The following TIMM23 variants were observed in gnomAD, a reference collection of about 807,000 sequenced individuals.
TIMM23 encodes the protein translocase of inner mitochondrial membrane 23.
TIMM23 carries 19 observed loss-of-function variants against 30.7 expected under a neutral mutation model. The observed-to-expected ratio is 0.62, with a 90% CI of 0.43 to 0.91. The LOEUF (loss-of-function observed/expected upper bound fraction) is 0.91. TIMM23 is among the 40% of genes least tolerant of loss of function. The pLI, the probability that TIMM23 is intolerant of heterozygous loss-of-function variation, is 0.00. For missense variants in TIMM23, 202 were observed against 269.2 expected, an observed-to-expected ratio of 0.75 and a Z score of 1.75; for synonymous variants, 78 against 98.5, an observed-to-expected ratio of 0.79 and a Z score of 1.23.
intron 6 of TIMM23, among the ~76,000 whole-genome samples, chr10:46,002,110 G>A (rs184321521): frequency 2.0e-5 from 3 of 152,196 alleles, no homozygotes; most frequent in African/African-American, 7.2e-5. Context: ...TTAATTGTGG[G>A]AGATTGATGC....
At position 45,989,937 on chromosome 10, in the gene TIMM23, G is replaced by A. The variant is rs1358324164; in HGVS notation, c.514+1090G>A. 1.1e-3 allele frequency among the ~76,000 whole-genome samples: 170 copies of A among 151,952 alleles called. 1 individual carries two copies. Among genetic ancestry groups the A allele is most frequent in the African/African-American group, 3.7e-3 (155 of 41,440 alleles). On this transcript the variant is annotated intron_variant, in intron 6 of 6. Coordinates refer to ENST00000580018, the MANE Select transcript of TIMM23 (RefSeq NM_006327.4). ...ATTTTTATCAAAATAATCCACATAC[G>A]TGATTTTTTAAGTCAAGGTTTTTAT...
chr10:45,994,109 G>A (rs1344239601), intron 6 of TIMM23, among the ~76,000 whole-genome samples: 1 of 152,152 alleles, frequency 6.6e-6, no homozygotes, highest in Non-Finnish European at 1.5e-5. Context: ...GGAGGCCGAG[G>A]CAGGTGGATC....
intron 6 of TIMM23, among the ~76,000 whole-genome samples, chr10:45,999,550 C>T (rs1300811724): frequency 6.6e-6 from 1 of 151,884 alleles, no homozygotes; most frequent in East Asian, 1.9e-4. Context: ...AGGGAGTGTG[C>T]GAATAGGTGT....
At chr10:45,999,672 GT>G (rs1838460086) in intron 6 of TIMM23, among the ~76,000 whole-genome samples, 1 of 152,154 alleles carries the variant, frequency 6.6e-6, no homozygotes, top group Non-Finnish European at 1.5e-5. Context: ...TGCTAATGAA[GT>G]TTCGGGCACC....
At chr10:45,976,135 G>A (rs61849464) in intron 2 of TIMM23, among the ~76,000 whole-genome samples, 1 of 152,082 alleles carries the variant, frequency 6.6e-6, no homozygotes, top group East Asian at 1.9e-4. Flanking sequence ...GATATATTAG[G>A]AAATATATCT....
chr10:46,003,361 C>G lies in TIMM23; in HGVS notation c.*43C>G. Reference sequence around the variant, plus strand: ...GAATGGAGGACACTTCAGTAGTCATCTAGATCCTTTTATAAGACAGTTTGG... The same window carrying G: ...GAATGGAGGACACTTCAGTAGTCATGTAGATCCTTTTATAAGACAGTTTGG... On this transcript the variant is annotated 3_prime_UTR_variant, in exon 7 of 7. Transcript: ENST00000580018. 7.5e-7 allele frequency: 1 copy of G among 1,335,926 alleles called. No individual in the cohort carries two copies. Among genetic ancestry groups the G allele is most frequent in the Non-Finnish European group, 1.1e-6 (1 of 933,240 alleles). The allele number at this position is 1,335,926 out of a possible 1,614,324, so 82.8% of individuals were successfully genotyped here.
intron 6 of TIMM23, among the ~76,000 whole-genome samples, chr10:45,993,241 T>C (rs1838221136): frequency 1.7e-5 from 2 of 118,242 alleles, no homozygotes; most frequent in African/African-American, 6.3e-5. Context: ...GCATCTACCA[T>C]CACTTTTTTT....
chr10:45,990,587 A>T (rs797041067), intron 6 of TIMM23: 10 of 301,710 alleles, frequency 3.3e-5, no homozygotes, highest in Admixed American at 8.8e-5. Flanking sequence ...CCAGCTAATT[A>T]TTTTTTTTTT....
chr10:45,982,670 G>A, intron 3 of TIMM23, 54 bp downstream of exon 3: 1 of 1,606,814 alleles, frequency 6.2e-7, no homozygotes, highest in Non-Finnish European at 8.5e-7. Flanking sequence ...AGTTGAGGGT[G>A]CGTAAAATCA....
chr10:45,998,872 G>A lies in TIMM23; in HGVS notation c.515-4331G>A, dbSNP rs1199286558. Among the ~76,000 whole-genome samples, 9 of 136,764 alleles carry A rather than the reference G, an allele frequency of 6.6e-5. No individual in the cohort carries two copies. The South Asian group carries it at 6.8e-4, about 10-fold the overall frequency. The allele number at this position is 136,764 out of a possible 152,430, so 89.7% of individuals were successfully genotyped here. On this transcript the variant is annotated intron_variant, in intron 6 of 6. Transcript: ENST00000580018. ...TTTTGAGACAGAGTCTTGCTGTATC[G>A]CCGAGGCTAGAGTGCAGTGATGCAA...
At chr10:45,990,509 C>T (rs1200960292) in intron 6 of TIMM23, among the ~76,000 whole-genome samples, 20 of 151,664 alleles carry the variant, frequency 1.3e-4, no homozygotes, top group Non-Finnish European at 2.9e-4. Flanking sequence ...GTAGCCTTGA[C>T]CTCCTGGGCT....
At chr10:45,978,053 A>G (rs1226348405) in intron 2 of TIMM23, among the ~76,000 whole-genome samples, 3 of 152,066 alleles carry the variant, frequency 2.0e-5, no homozygotes, top group African/African-American at 4.8e-5. Flanking sequence ...AAAAAAATAA[A>G]TAAAGAATGG....
intron 2 of TIMM23, 147 bp downstream of exon 2, chr10:45,975,659 G>C (rs1161350661): frequency 9.6e-7 from 1 of 1,044,128 alleles, no homozygotes; most frequent in Non-Finnish European, 1.4e-6. Context: ...ACAAACACCA[G>C]GAGCTTGGCC....
At chr10:45,979,890 C>A (rs1331385632) in intron 2 of TIMM23, among the ~76,000 whole-genome samples, 1,889 of 151,990 alleles carry the variant, frequency 0.012, 25 homozygotes, top group African/African-American at 0.041. Context: ...ATGTATTTTG[C>A]TTTAATGTTG....
At chr10:45,994,217 T>A (rs1196897645) in intron 6 of TIMM23, among the ~76,000 whole-genome samples, 1 of 151,874 alleles carries the variant, frequency 6.6e-6, no homozygotes, top group African/African-American at 2.4e-5. Context: ...CGGGTGCCTG[T>A]AATCCCAGCT....
At chr10:45,993,868 A>G (rs1449520503) in intron 6 of TIMM23, among the ~76,000 whole-genome samples, 3 of 152,108 alleles carry the variant, frequency 2.0e-5, no homozygotes, top group African/African-American at 7.2e-5. Context: ...ATGAAATGAA[A>G]TAATGAAATG....
In TIMM23 at chr10:46,003,231, T is replaced by G; in HGVS notation, c.543T>G (p.Gly181=). ...TGGLRGIARG[G]LTGLTLTSLY... is the part of the protein sequence containing the mutation. The stretch of plus-strand genomic sequence containing the variant: ...GTCTTCGAGGGATAGCACGAGGTGG[T>G]CTGACAGGACTAACACTTACCAGCC... Residue 181 remains glycine (G), a synonymous_variant, in exon 7 of 7, where the codon GGT becomes GGG. Coordinates refer to ENST00000580018, the MANE Select transcript of TIMM23 (RefSeq NM_006327.4). 1 of 1,614,134 alleles carries G rather than the reference T, an allele frequency of 6.2e-7. No homozygotes were observed. The highest frequency in any genetic ancestry group is 8.5e-7 in the Non-Finnish European group (1 of 1,179,984).
intron 5 of TIMM23, among the ~76,000 whole-genome samples, chr10:45,987,561 G>A (rs1401814841): frequency 7.3e-5 from 11 of 151,032 alleles, no homozygotes; most frequent in Non-Finnish European, 1.0e-4. Flanking sequence ...TTATTGGATT[G>A]GCTCACAGAA....
intron 6 of TIMM23, among the ~76,000 whole-genome samples, chr10:45,999,476 G>T (rs1838454026): frequency 6.6e-6 from 1 of 152,126 alleles, no homozygotes; most frequent in Admixed American, 6.5e-5. Context: ...CATGTCGGTA[G>T]GTTCCATGAT....
Sources: allele counts gnomAD v4.1 joint callset (sites outside exome capture counted in the v4.1 genomes callset), GRCh38; gene constraint gnomAD v4.1.1; transcripts MANE v1.5; gene names NCBI Gene and HGNC (gene_info 2026-07-23, HGNC 2026-07-21).